PPP3R1: variants seen among roughly 807,000 people sequenced by gnomAD.
The protein encoded by PPP3R1 is protein phosphatase 3 regulatory subunit B, alpha.
A neutral mutation model predicts 22.6 loss-of-function variants in PPP3R1; 5 were observed. The observed-to-expected ratio is 0.22, with a 90% CI of 0.12 to 0.46. PPP3R1 has a LOEUF of 0.46. Among genes scored for constraint, PPP3R1 ranks in the 20% least tolerant of loss-of-function variants. The pLI, the probability that PPP3R1 is intolerant of heterozygous loss-of-function variation, is 0.99. For synonymous variants in PPP3R1, 56 were observed against 65.2 expected, an observed-to-expected ratio of 0.86 and a Z score of 0.68; for missense variants, 61 against 203.2, an observed-to-expected ratio of 0.30 and a Z score of 4.25.
chr2:68,218,923 G>A (rs1026724313), intron 1 of PPP3R1, among the ~76,000 whole-genome samples: 3 of 151,922 alleles, frequency 2.0e-5, no homozygotes, highest in African/African-American at 7.3e-5. Context: ...ACTAGACAAC[G>A]TCCACAAGAC....
intron 2 of PPP3R1, among the ~76,000 whole-genome samples, chr2:68,190,597 A>G (rs923951212): frequency 6.6e-6 from 1 of 152,048 alleles, no homozygotes; most frequent in Non-Finnish European, 1.5e-5. Context: ...CCCTCAATAT[A>G]TGAAGACCTT....
At chr2:68,201,414 T>C (rs1340667180) in intron 2 of PPP3R1, among the ~76,000 whole-genome samples, 1 of 152,232 alleles carries the variant, frequency 6.6e-6, no homozygotes, top group Admixed American at 6.5e-5. Flanking sequence ...AGTTTCTTTT[T>C]TTTCTCTCGT....
intron 2 of PPP3R1, 142 bp from the exon 3 acceptor site, chr2:68,188,832 T>C: frequency 1.5e-6 from 1 of 665,530 alleles, no homozygotes; most frequent in South Asian, 2.4e-5. Context: ...TAGTTTAATT[T>C]CCAATTTGAT....
intron 2 of PPP3R1, among the ~76,000 whole-genome samples, chr2:68,192,185 C>A (rs1674680175): frequency 6.6e-6 from 1 of 152,148 alleles, no homozygotes; most frequent in South Asian, 2.1e-4. Context: ...TGAAGAGCTA[C>A]CCTCTCCACG....
chr2:68,195,338 G>C (rs774488172), intron 2 of PPP3R1, among the ~76,000 whole-genome samples: 2 of 152,088 alleles, frequency 1.3e-5, no homozygotes, highest in Admixed American at 6.6e-5. Context: ...TTTGGGGCAA[G>C]AATACCACAG....
At chr2:68,198,298 T>C (rs377637945) in intron 2 of PPP3R1, among the ~76,000 whole-genome samples, 1 of 141,734 alleles carries the variant, frequency 7.1e-6, no homozygotes. Context: ...TATACACATG[T>C]ATACATGTAT....
At chr2:68,210,467 A>G (rs769653327) in intron 2 of PPP3R1, among the ~76,000 whole-genome samples, 3 of 152,214 alleles carry the variant, frequency 2.0e-5, no homozygotes, top group Admixed American at 2.0e-4. Flanking sequence ...TATTTTACGC[A>G]ACCATAAAAT....
chr2:68,200,522 C>T (rs1341600112), intron 2 of PPP3R1, among the ~76,000 whole-genome samples: 1 of 152,162 alleles, frequency 6.6e-6, no homozygotes, highest in Non-Finnish European at 1.5e-5. Flanking sequence ...GTAACGTAAG[C>T]AGTCACAAGA....
At position 68,187,240 on chromosome 2, in the gene PPP3R1, A is replaced by G; in HGVS notation, c.280+15T>C. 6.3e-7 allele frequency: 1 copy of G among 1,590,048 alleles called. No homozygotes were observed. Among genetic ancestry groups the G allele is most frequent in the African/African-American group, 1.3e-5 (1 of 74,614 alleles). ...GTAGTATAAGAGAATGAAGTCAGTG[A>G]AGAAAAATACTTACACCTCAATTTC... On this transcript the variant is annotated intron_variant, in intron 4 of 5. Transcript: ENST00000234310.
chr2:68,217,047 G>GAT, intron 2 of PPP3R1, 45 bp downstream of exon 2: 2 of 1,399,988 alleles, frequency 1.4e-6, no homozygotes, highest in Non-Finnish European at 2.0e-6. Context: ...CACAGAGAGA[G>GAT]ATGAGTGAAT....
intron 1 of PPP3R1, among the ~76,000 whole-genome samples, chr2:68,239,924 A>G (rs1411733693): frequency 6.6e-6 from 1 of 152,230 alleles, no homozygotes; most frequent in Non-Finnish European, 1.5e-5. Flanking sequence ...GATGGTACCC[A>G]TAAAACCATT....
At chr2:68,198,121 T>C (rs1674838598) in intron 2 of PPP3R1, among the ~76,000 whole-genome samples, 1 of 118,358 alleles carries the variant, frequency 8.4e-6, no homozygotes, top group Non-Finnish European at 1.7e-5. Context: ...TATGTAAATA[T>C]ATATGTAAAC....
chr2:68,192,338 G>T (rs185239948), intron 2 of PPP3R1, among the ~76,000 whole-genome samples: 4 of 152,270 alleles, frequency 2.6e-5, no homozygotes, highest in South Asian at 4.1e-4. Flanking sequence ...GTGATCTATT[G>T]TGAGTAGATA....
chr2:68,199,163 C>T lies in PPP3R1; in HGVS notation c.44-10473G>A, dbSNP rs371862400. On this transcript the variant is annotated intron_variant, in intron 2 of 5. Transcript: ENST00000234310. ...ATTTTTAGTAGAGATGGGATTTCAC[C>T]ATGTTGGCCAGGATGGTCTTGATCT... Among the ~76,000 whole-genome samples the T allele has an allele frequency of 3.9e-5, 6 of 152,076 alleles. No homozygotes were observed. In the East Asian group the frequency reaches 1.2e-3, roughly 29 times the overall value.
chr2:68,224,431 C>A (rs1192585402), intron 1 of PPP3R1, among the ~76,000 whole-genome samples: 1 of 152,006 alleles, frequency 6.6e-6, no homozygotes, highest in Non-Finnish European at 1.5e-5. Context: ...GAGGCCGAGG[C>A]GAGTGGATCA....
chr2:68,242,996 C>A (rs1393078687), intron 1 of PPP3R1, among the ~76,000 whole-genome samples: 1 of 152,058 alleles, frequency 6.6e-6, no homozygotes, highest in Non-Finnish European at 1.5e-5. Context: ...GTCAACGCAC[C>A]AGTGATTTTA....
chr2:68,229,179 A>ATT (rs879394020), intron 1 of PPP3R1, among the ~76,000 whole-genome samples: 1 of 144,332 alleles, frequency 6.9e-6, no homozygotes, highest in Non-Finnish European at 1.5e-5. Flanking sequence ...TCAGCTAATT[A>ATT]TTTTTTTTTT....
intron 1 of PPP3R1, among the ~76,000 whole-genome samples, chr2:68,241,533 C>T (rs1670137787): frequency 6.6e-6 from 1 of 152,188 alleles, no homozygotes. Context: ...AACTCCAAAT[C>T]TCATGCTGGT....
chr2:68,229,928 G>A (rs1272954423), intron 1 of PPP3R1, among the ~76,000 whole-genome samples: 1 of 148,380 alleles, frequency 6.7e-6, no homozygotes, highest in Non-Finnish European at 1.5e-5. Flanking sequence ...GTATATATAT[G>A]TGTGTGTATG....
Sources: allele counts gnomAD v4.1 joint callset (sites outside exome capture counted in the v4.1 genomes callset), GRCh38; gene constraint gnomAD v4.1.1; transcripts MANE v1.5; gene names NCBI Gene and HGNC (gene_info 2026-07-23, HGNC 2026-07-21).